The following A2ML1 variants were observed in gnomAD, a reference collection of about 807,000 sequenced individuals.
A2ML1 encodes the protein alpha-2-macroglobulin like 1.
A neutral mutation model predicts 181.9 loss-of-function variants in A2ML1; 161 were observed. That is an observed-to-expected ratio of 0.89 (90% confidence interval 0.78 to 1.01). The LOEUF (loss-of-function observed/expected upper bound fraction) is 1.01. A2ML1 is among the 50% of genes least tolerant of loss of function. The pLI is 0.00. For missense variants in A2ML1, 1,670 were observed against 1,768.1 expected (o/e 0.94, Z 1.00); for synonymous variants, 663 against 666.8 (o/e 0.99, Z 0.09).
rs368566164 is a variant in A2ML1 at position 8,857,983 on chromosome 12, C to G, written c.3145C>G (p.Gln1049Glu). The G allele has an allele frequency of 4.8e-5, 77 of 1,614,038 alleles. No homozygotes were observed. Among genetic ancestry groups the G allele is most frequent in the African/African-American group, 6.7e-5 (5 of 74,892 alleles). Residue 1049 changes from glutamine to glutamate, a missense_variant, in exon 26 of 36, where the codon CAG becomes GAG. Coordinates refer to ENST00000299698, the MANE Select transcript of A2ML1 (RefSeq NM_144670.6). ...TGTCACAAAATGCTTTGGCCAAGCTCAGAAATTCATCTTCATTGATCCCAA... is the reference window on the plus strand; with the variant it reads ...TGTCACAAAATGCTTTGGCCAAGCTGAGAAATTCATCTTCATTGATCCCAA... ...AFVTKCFGQA[Q>E]KFIFIDPKNI... is the part of the protein sequence containing the mutation.
intron 26 of A2ML1, among the ~76,000 whole-genome samples, chr12:8,860,522 T>G (rs1944217923): frequency 6.6e-6 from 1 of 152,188 alleles, no homozygotes; most frequent in Non-Finnish European, 1.5e-5. Context: ...GGGAGCTGCA[T>G]GTGAGGAGGC....
Position 8,848,810 on chromosome 12 carries a change from C to G in A2ML1, c.1924C>G (p.Pro642Ala). The G allele has an allele frequency of 6.2e-7, 1 of 1,614,130 alleles. No homozygotes were observed. Among genetic ancestry groups the G allele is most frequent in the Non-Finnish European group, 8.5e-7 (1 of 1,180,006 alleles). Residue 642 changes from proline (P) to alanine (A), a missense_variant, in exon 16 of 36, where the codon CCT becomes GCT. Physicochemically the swap from Pro to Ala is conservative, Grantham distance 27. Coordinates refer to ENST00000299698, the MANE Select transcript of A2ML1 (RefSeq NM_144670.6). ...QCPVSGPWDF[P>A]QPLIDPMPQG... ...TCCAGTGTCTGGCCCATGGGACTTT[C>G]CTCAGCCCCTCATTGACCCAATGCC...
At chr12:8,834,179 G>T (rs1943200983) in intron 4 of A2ML1, among the ~76,000 whole-genome samples, 1 of 152,090 alleles carries the variant, frequency 6.6e-6, no homozygotes, top group Non-Finnish European at 1.5e-5. Context: ...ATTCTCCAAT[G>T]GAACTATTTC....
At chr12:8,845,829 G>A (rs1404871779) in intron 13 of A2ML1, among the ~76,000 whole-genome samples, 23 of 143,418 alleles carry the variant, frequency 1.6e-4, no homozygotes, top group African/African-American at 5.3e-4. Context: ...CAGCCTGGGC[G>A]ACAGAGCGAG....
At chr12:8,826,362 A>C (rs1206689634) in intron 3 of A2ML1, among the ~76,000 whole-genome samples, 1 of 151,924 alleles carries the variant, frequency 6.6e-6, no homozygotes, top group Non-Finnish European at 1.5e-5. Context: ...TAGGTATTTT[A>C]TATTATTTAT....
At chr12:8,868,458 G>GTGTC (rs2136961666) in intron 31 of A2ML1, 79 bp from the exon 32 acceptor site, 3 of 1,253,258 alleles carry the variant, frequency 2.4e-6, no homozygotes, top group Non-Finnish European at 3.1e-6. Context: ...GTGTGTGTAC[G>GTGTC]TGTGTGTGTG....
chr12:8,875,877 C>T (rs1944786122), intron 35 of A2ML1, 181 bp from the exon 36 acceptor site: 1 of 152,086 alleles, frequency 6.6e-6, no homozygotes, highest in Non-Finnish European at 1.5e-5. Flanking sequence ...TATGAAAATA[C>T]TAAGACAAAA....
In A2ML1 at chr12:8,855,513, G is replaced by T; in HGVS notation, c.2769G>T (p.Lys923Asn). The part of the protein sequence containing the change: ...THSSLLCPKG[K>N]VASESVSLEL... ...CTTTTTTTCTGCATCTCACAGGAAA[G>T]GTGGCATCTGAATCTGTCTCCCTGG... The change falls in exon 23 of 36, where the codon AAG becomes AAT. Residue 923 changes from lysine to asparagine, a missense_variant. Lys to Asn is a moderately conservative substitution (Grantham distance 94). Transcript: ENST00000299698. 1 of 1,614,076 alleles carries T rather than the reference G, an allele frequency of 6.2e-7. No individual in the cohort carries two copies. The highest frequency in any genetic ancestry group is 8.5e-7 in the Non-Finnish European group (1 of 1,180,002).
chr12:8,847,137 C>T (rs1255200220), intron 14 of A2ML1, among the ~76,000 whole-genome samples: 2 of 111,894 alleles, frequency 1.8e-5, no homozygotes, highest in African/African-American at 3.5e-5. Context: ...TTAGTAGAGA[C>T]GGGGTTTCAC....
chr12:8,868,076 G>C lies in A2ML1; in HGVS notation c.3933+19G>C, dbSNP rs1944482492. On this transcript the variant is annotated intron_variant, in intron 30 of 35. Transcript: ENST00000299698. ...TGTGCAGGTAAGTAGAGATCCATGA[G>C]AATGAGCGGACATTGGGAAGGAGAG... is the stretch of plus-strand genomic sequence containing the variant. 3 of 1,612,496 alleles carry C rather than the reference G, an allele frequency of 1.9e-6. No homozygotes were observed. Among genetic ancestry groups the C allele is most frequent in the Non-Finnish European group, 1.7e-6 (2 of 1,178,530 alleles).
At position 8,823,317 on chromosome 12, in the gene A2ML1, A is replaced by G; in HGVS notation, c.198A>G (p.Leu66=). 1 of 1,614,186 alleles carries G rather than the reference A, an allele frequency of 6.2e-7. No homozygotes were observed. The highest frequency in any genetic ancestry group is 8.5e-7 in the Non-Finnish European group (1 of 1,180,032). Residue 66 remains leucine (L), a synonymous_variant, in exon 2 of 36, where the codon CTA becomes CTG. Coordinates refer to ENST00000299698, the MANE Select transcript of A2ML1 (RefSeq NM_144670.6). ...LETKDKTQKL[L]EYSGLKKRHL... Reference sequence around the variant, plus strand: ...CCAAGGACAAGACCCAGAAGTTGCTAGAATACTCTGGACTGAAGAAGAGGC... The same window carrying G: ...CCAAGGACAAGACCCAGAAGTTGCTGGAATACTCTGGACTGAAGAAGAGGC...
intron 12 of A2ML1, among the ~76,000 whole-genome samples, chr12:8,844,024 G>A (rs941644648): frequency 6.6e-6 from 1 of 150,540 alleles, no homozygotes; most frequent in Non-Finnish European, 1.5e-5. Context: ...CCGGCCTCAA[G>A]TATTCAATAT....
chr12:8,866,291 C>T (rs1944424258), intron 29 of A2ML1, among the ~76,000 whole-genome samples: 1 of 90,908 alleles, frequency 1.1e-5, no homozygotes, highest in Non-Finnish European at 1.9e-5. Flanking sequence ...GGAGACAGAG[C>T]AAGACTCCAT....
At position 8,843,128 on chromosome 12, in the gene A2ML1, T is replaced by C. The variant is rs769380421; in HGVS notation, c.1249-6T>C. On this transcript the variant is annotated splice_polypyrimidine_tract_variant and splice_region_variant and intron_variant, in intron 11 of 35. Coordinates refer to ENST00000299698, the MANE Select transcript of A2ML1 (RefSeq NM_144670.6). ...CTAAAATTCTCTCTCTCTCTTTTAT[T>C]CTCAGGGAAAGTTTCAAATGGAAGA... 5.0e-6 allele frequency: 8 copies of C among 1,613,240 alleles called. No individual in the cohort carries two copies. Among genetic ancestry groups the C allele is most frequent in the Non-Finnish European group, 6.8e-6 (8 of 1,179,372 alleles).
intron 7 of A2ML1, among the ~76,000 whole-genome samples, chr12:8,883,172 C>G (rs1361584840): frequency 3.9e-5 from 6 of 152,056 alleles, no homozygotes; most frequent in African/African-American, 1.2e-4. Flanking sequence ...ACCTGTGATT[C>G]CAGCGGAGGA....
At chr12:8,848,641 G>A (rs932515625) in intron 15 of A2ML1, 79 bp from the exon 16 acceptor site, 2 of 1,201,322 alleles carry the variant, frequency 1.7e-6, no homozygotes, top group Non-Finnish European at 2.3e-6. Flanking sequence ...GTAGTGAACT[G>A]AGCACCAGAA....
intron 33 of A2ML1, among the ~76,000 whole-genome samples, chr12:8,873,497 C>T (rs371422993): frequency 6.6e-5 from 10 of 152,066 alleles, no homozygotes; most frequent in African/African-American, 1.4e-4. Context: ...GTGATGGAGA[C>T]GTAGCAATGA....
At position 8,852,936 on chromosome 12, in the gene A2ML1, C is replaced by T. The variant is rs1943941211; in HGVS notation, c.2590+600C>T. ...GTCTCAAACTCCTGACCTCAGGTGACCTGCCTGCCTCGGCCTCCCAAAGTG... is the reference window on the plus strand; with the variant it reads ...GTCTCAAACTCCTGACCTCAGGTGATCTGCCTGCCTCGGCCTCCCAAAGTG... On this transcript the variant is annotated intron_variant, in intron 20 of 35. Coordinates refer to ENST00000299698, the MANE Select transcript of A2ML1 (RefSeq NM_144670.6). The surrounding 1 kb of genome is among the most constrained non-coding windows in gnomAD (Gnocchi z 4.2). Among the ~76,000 whole-genome samples, 1 of 152,030 alleles carries T rather than the reference C, an allele frequency of 6.6e-6. No homozygotes were observed. The highest frequency in any genetic ancestry group is 2.4e-5 in the African/African-American group (1 of 41,404).
intron 3 of A2ML1, 50 bp from the exon 4 acceptor site, chr12:8,829,675 AAT>A: frequency 6.6e-7 from 1 of 1,525,730 alleles, no homozygotes; most frequent in Non-Finnish European, 8.9e-7. Context: ...AAAAAAAAAA[AAT>A]TCTGAGCCAG....
Sources: gnomAD v4.1 joint callset for allele counts (sites outside exome capture counted in the v4.1 genomes callset) on GRCh38, gnomAD v4.1.1 for gene constraint, Gnocchi (gnomAD v3.1) non-coding constraint, MANE v1.5 for transcripts, NCBI Gene and HGNC (gene_info 2026-07-23, HGNC 2026-07-21) for gene names.